The following RFT1 variants were observed in gnomAD, a reference collection of about 807,000 sequenced individuals.
RFT1 encodes the protein RFT1 glycolipid translocator homolog.
Under a neutral mutation model 62.2 loss-of-function variants are expected in RFT1, and 43 were observed. That is an observed-to-expected ratio of 0.69 (90% CI 0.54 to 0.89). The LOEUF is 0.89. Among genes scored for constraint, RFT1 ranks in the 40% least tolerant of loss-of-function variants. The pLI is 0.00. For synonymous variants in RFT1, 262 were observed against 264.6 expected (o/e 0.99, Z 0.10); for missense variants, 605 against 649.9 (o/e 0.93, Z 0.75).
the RFT1 span, among the ~76,000 whole-genome samples, chr3:53,072,836 T>C: frequency 6.6e-6 from 1 of 152,224 alleles, no homozygotes; most frequent in Non-Finnish European, 1.5e-5. Flanking sequence ...AGGAGGGTCC[T>C]GCCCTCTAGT....
the RFT1 span, among the ~76,000 whole-genome samples, chr3:53,072,278 C>T: frequency 4.9e-4 from 75 of 152,164 alleles, 1 homozygote; most frequent in African/African-American, 1.8e-3. Flanking sequence ...CATCATCCTG[C>T]CCGGGCGGGA....
In RFT1 at chr3:53,098,529, A is replaced by G. The variant is rs369761072; in HGVS notation, c.1208+852T>C. Reference sequence around the variant, plus strand: ...CATGAAAACCCCCATGAGGCTGGGCACGGTGGCTCATGCCTGTAATCCCGG... The same window carrying G: ...CATGAAAACCCCCATGAGGCTGGGCGCGGTGGCTCATGCCTGTAATCCCGG... On this transcript the variant is annotated intron_variant, in intron 11 of 12. Coordinates refer to ENST00000296292, the MANE Select transcript of RFT1 (RefSeq NM_052859.4). 1.9e-3 allele frequency among the ~76,000 whole-genome samples: 288 copies of G among 151,900 alleles called. 1 individual carries two copies. The highest frequency in any genetic ancestry group is 6.8e-3 in the Middle Eastern group (2 of 292).
At chr3:53,073,771 T>C in the RFT1 span, among the ~76,000 whole-genome samples, 1 of 152,126 alleles carries the variant, frequency 6.6e-6, no homozygotes, top group East Asian at 1.9e-4. Context: ...GGCCCCGTTG[T>C]GCACAGAGCC....
In RFT1 at chr3:53,098,879, T is replaced by G. The variant is rs142725805; in HGVS notation, c.1208+502A>C. 3.9e-3 allele frequency among the ~76,000 whole-genome samples: 589 copies of G among 150,574 alleles called. 3 individuals are homozygous for G. Among genetic ancestry groups the G allele is most frequent in the Non-Finnish European group, 6.9e-3 (469 of 67,762 alleles). On this transcript the variant is annotated intron_variant, in intron 11 of 12. Transcript: ENST00000296292. ...GGAATCCTGATCTGGAGTCAAGAGTTGAGAAAAAATTATGGCAAGATGAGA... is the reference window on the plus strand; with the variant it reads ...GGAATCCTGATCTGGAGTCAAGAGTGGAGAAAAAATTATGGCAAGATGAGA...
intron 11 of RFT1, among the ~76,000 whole-genome samples, chr3:53,098,935 G>A (rs1701232293): frequency 6.6e-6 from 1 of 151,892 alleles, no homozygotes; most frequent in Admixed American, 6.6e-5. Flanking sequence ...TTTCTCAGGA[G>A]AAGTGTCACA....
chr3:53,105,803 C>T lies in RFT1; in HGVS notation c.827G>A (p.Gly276Asp), dbSNP rs1462044952. 1 of 1,612,184 alleles carries T rather than the reference C, an allele frequency of 6.2e-7. No homozygotes were observed. The highest frequency in any genetic ancestry group is 8.5e-7 in the Non-Finnish European group (1 of 1,179,198). Reference sequence around the variant, plus strand: ...AAGATTATTCACTATATCATACACACCTACAAAACAAAAAAGAAGAAACAA... The same window carrying T: ...AAGATTATTCACTATATCATACACATCTACAAAACAAAAAAGAAGAAACAA... The part of the protein sequence containing the change: ...FLNVLNFGDQ[G>D]VYDIVNNLGS... The change falls in exon 9 of 13, where the codon GGT (glycine) becomes GAT (aspartate). Residue 276 changes from glycine to aspartate, a missense_variant and splice_region_variant. Gly to Asp is a moderately conservative substitution (Grantham distance 94). Coordinates refer to ENST00000296292, the MANE Select transcript of RFT1 (RefSeq NM_052859.4).
chr3:53,077,783 A>G, the RFT1 span: 1 of 152,248 alleles, frequency 6.6e-6, no homozygotes, highest in Non-Finnish European at 1.5e-5. Flanking sequence ...GCTTGTGCTC[A>G]GCAGGGACAC....
intron 1 of RFT1, among the ~76,000 whole-genome samples, chr3:53,126,638 T>C (rs964905675): frequency 1.3e-5 from 2 of 152,134 alleles, no homozygotes; most frequent in African/African-American, 4.8e-5. Context: ...TAATGTAACA[T>C]GGGGGGAAGG....
downstream of RFT1, among the ~76,000 whole-genome samples, chr3:53,087,650 A>G (rs9869545): frequency 0.98 from 149,874 of 152,286 alleles, 73,803 homozygotes; most frequent in Middle Eastern, 1. Flanking sequence ...AGCCTCCCGT[A>G]TAGGAACTAC....
chr3:53,126,122 C>T (rs1363026316), intron 1 of RFT1, 128 bp from the exon 2 acceptor site: 2 of 721,386 alleles, frequency 2.8e-6, no homozygotes, highest in East Asian at 5.9e-5. Flanking sequence ...TTCATGGAGA[C>T]TCTCCTCTAA....
the RFT1 span, among the ~76,000 whole-genome samples, chr3:53,068,635 C>CA: frequency 0.055 from 8,330 of 152,308 alleles, 772 homozygotes; most frequent in African/African-American, 0.19. Context: ...GGCAGAAAGC[C>CA]TGGTCCTGGC....
chr3:53,117,219 A>G (rs1701834357), intron 6 of RFT1, among the ~76,000 whole-genome samples: 2 of 152,272 alleles, frequency 1.3e-5, no homozygotes, highest in African/African-American at 4.8e-5. Flanking sequence ...TGCTTGGTGT[A>G]GTGCATGGCA....
rs760552260 is a variant in RFT1, at chr3:53,105,744, T to C, written c.886A>G (p.Ile296Val). The C allele has an allele frequency of 1.2e-6, 2 of 1,613,922 alleles. No individual in the cohort carries two copies. Among genetic ancestry groups the C allele is most frequent in the Non-Finnish European group, 1.7e-6 (2 of 1,179,900 alleles). ...AAAAATATATAAAAACTTTCCTCTA[T>C]TGGCTGGAAAATTAATCTGGCCACA... ...SLVARLIFQP[I>V]EESFYIFFAK... The change falls in exon 9 of 13, where the codon ATA becomes GTA. Residue 296 changes from isoleucine (I) to valine (V), a missense_variant. Ile to Val is a conservative substitution (Grantham distance 29). Transcript: ENST00000296292.
intron 5 of RFT1, among the ~76,000 whole-genome samples, chr3:53,121,139 A>G (rs1262086636): frequency 6.6e-6 from 1 of 152,246 alleles, no homozygotes; most frequent in African/African-American, 2.4e-5. Flanking sequence ...TTTTTATTAG[A>G]ACCAGAAATA....
chr3:53,069,762 G>A, the RFT1 span, among the ~76,000 whole-genome samples: 2 of 152,216 alleles, frequency 1.3e-5, no homozygotes, highest in East Asian at 1.9e-4. Flanking sequence ...AGAGAGCCTG[G>A]CAGAGACCTG....
In RFT1 at chr3:53,092,359, G is replaced by C; in HGVS notation, c.1458+10C>G. On this transcript the variant is annotated intron_variant, in intron 12 of 12. Transcript: ENST00000296292. ...AGAAGCATGTGGCATGATGGCTCAGGGAGTCTCACCTCCGAAACAGCAGTA... is the reference window on the plus strand; with the variant it reads ...AGAAGCATGTGGCATGATGGCTCAGCGAGTCTCACCTCCGAAACAGCAGTA... 6.3e-7 allele frequency: 1 copy of C among 1,594,742 alleles called. No homozygotes were observed. The highest frequency in any genetic ancestry group is 2.3e-5 in the East Asian group (1 of 44,260).
chr3:53,120,325 A>G (rs1282198262), intron 5 of RFT1, among the ~76,000 whole-genome samples: 2 of 152,212 alleles, frequency 1.3e-5, no homozygotes, highest in African/African-American at 2.4e-5. Flanking sequence ...TACATTCTCA[A>G]AAGGTGTGTA....
chr3:53,127,958 G>T (rs1364470416), intron 1 of RFT1, among the ~76,000 whole-genome samples: 1 of 152,012 alleles, frequency 6.6e-6, no homozygotes, highest in Non-Finnish European at 1.5e-5. Flanking sequence ...ATTCGAGAAA[G>T]CATACAAGAA....
At chr3:53,124,031 G>A (rs570383858) in intron 2 of RFT1, among the ~76,000 whole-genome samples, 191 bp from the exon 3 acceptor site, 1 of 152,316 alleles carries the variant, frequency 6.6e-6, no homozygotes, top group South Asian at 2.1e-4. Flanking sequence ...GGAACCAAAT[G>A]AAAGACACCT....
Sources: allele counts gnomAD v4.1 joint callset (sites outside exome capture counted in the v4.1 genomes callset), GRCh38; gene constraint gnomAD v4.1.1; transcripts MANE v1.5; gene names NCBI Gene and HGNC (gene_info 2026-07-23, HGNC 2026-07-21).